ADAMTSL1: variants seen among roughly 807,000 people sequenced by gnomAD.
The protein encoded by ADAMTSL1 is ADAMTS like 1.
In ADAMTSL1, 126 loss-of-function variants were observed where a neutral mutation model predicts 201.8. The ratio of observed to expected loss-of-function variants is 0.62; its 90% CI spans 0.54 to 0.72. The LOEUF is 0.72. Among genes scored for constraint, ADAMTSL1 ranks in the 30% least tolerant of loss-of-function variants. ADAMTSL1 has a pLI of 0.00. For synonymous variants in ADAMTSL1, 1,121 were observed against 903.4 expected, an observed-to-expected ratio of 1.24 and a Z score of -4.32; for missense variants, 2,679 against 2,277.8, an observed-to-expected ratio of 1.18 and a Z score of -3.59.
chr9:18,282,836 G>A (rs1017852567), intron 2 of ADAMTSL1, among the ~76,000 whole-genome samples: 2 of 152,200 alleles, frequency 1.3e-5, no homozygotes, highest in African/African-American at 4.8e-5. Context: ...GACAGAGTTT[G>A]CAGTGAGCCA....
At chr9:18,893,051 G>A (rs1829391311) in intron 26 of ADAMTSL1, among the ~76,000 whole-genome samples, 1 of 151,562 alleles carries the variant, frequency 6.6e-6, no homozygotes, top group Non-Finnish European at 1.5e-5. Context: ...ACCGCTCAAT[G>A]CTAGCCAATC....
In ADAMTSL1 at chr9:17,912,203, T is replaced by C. The variant is rs1443458684; in HGVS notation, c.87+5281T>C. ...TATAGTCCTTTTGATATATACCCAG[T>C]AATGGGATGGCTGGGTCAAATGATA... On this transcript the variant is annotated intron_variant, in intron 1 of 29. Transcript: ENST00000680146. Among the ~76,000 whole-genome samples, 21 of 64,286 alleles carry C rather than the reference T, an allele frequency of 3.3e-4. 4 individuals are homozygous for C. The highest frequency in any genetic ancestry group is 6.5e-4 in the African/African-American group (21 of 32,434). 42.2% of individuals were successfully genotyped at this position (64,286 alleles called of 152,430 possible).
chr9:18,465,920 GT>G (rs34754797), intron 2 of ADAMTSL1, among the ~76,000 whole-genome samples: 19,574 of 147,944 alleles, frequency 0.13, 1,416 homozygotes, highest in African/African-American at 0.2. Flanking sequence ...AGCTAATTTT[GT>G]TTTTTTTTTA....
chr9:17,925,710 T>TG (rs1465671486), intron 1 of ADAMTSL1, among the ~76,000 whole-genome samples: 8 of 83,074 alleles, frequency 9.6e-5, no homozygotes, highest in Admixed American at 2.8e-4. Context: ...TGTGGTGGGG[T>TG]GGGGGGAGGG....
chr9:18,359,050 C>G (rs950157944), intron 2 of ADAMTSL1, among the ~76,000 whole-genome samples: 2 of 152,150 alleles, frequency 1.3e-5, no homozygotes, highest in East Asian at 3.9e-4. Flanking sequence ...ATGCTACAAG[C>G]AGATATACTG....
chr9:18,178,176 G>A (rs963062295), intron 2 of ADAMTSL1, among the ~76,000 whole-genome samples: 29 of 152,332 alleles, frequency 1.9e-4, no homozygotes, highest in Admixed American at 5.2e-4. Context: ...AGCGCACTGT[G>A]CGCGAGCCGA....
intron 20 of ADAMTSL1, among the ~76,000 whole-genome samples, chr9:18,816,694 T>G (rs1823869060): frequency 6.7e-6 from 1 of 149,544 alleles, no homozygotes; most frequent in Non-Finnish European, 1.5e-5. Flanking sequence ...TAACATGCTC[T>G]GTCTTCAAAC....
chr9:18,867,639 T>C (rs1588271447), intron 23 of ADAMTSL1, among the ~76,000 whole-genome samples: 1 of 152,184 alleles, frequency 6.6e-6, no homozygotes, highest in African/African-American at 2.4e-5. Context: ...CGTACATCTT[T>C]TTTTTTTAGA....
intron 1 of ADAMTSL1, among the ~76,000 whole-genome samples, chr9:17,933,792 G>C (rs1238652044): frequency 6.6e-6 from 1 of 152,068 alleles, no homozygotes; most frequent in Non-Finnish European, 1.5e-5. Context: ...AACAGCAAGG[G>C]AGAAATCCAC....
chr9:18,291,415 G>T (rs960133189), intron 2 of ADAMTSL1, among the ~76,000 whole-genome samples: 1 of 152,030 alleles, frequency 6.6e-6, no homozygotes, highest in Non-Finnish European at 1.5e-5. Flanking sequence ...ATAAATCCTA[G>T]CACCTCTGGT....
intron 2 of ADAMTSL1, among the ~76,000 whole-genome samples, chr9:18,353,424 C>A (rs904000711): frequency 2.6e-5 from 4 of 152,168 alleles, no homozygotes; most frequent in African/African-American, 7.2e-5. Flanking sequence ...ACTTTACATA[C>A]TTTTGAGATA....
intron 2 of ADAMTSL1, among the ~76,000 whole-genome samples, chr9:18,303,523 A>T (rs968237328): frequency 6.6e-6 from 1 of 152,192 alleles, no homozygotes. Flanking sequence ...GGGCTTCTTC[A>T]GCTACCATAA....
chr9:18,772,183 C>A (rs1015553110), intron 17 of ADAMTSL1, among the ~76,000 whole-genome samples: 1 of 152,042 alleles, frequency 6.6e-6, no homozygotes, highest in African/African-American at 2.4e-5. Flanking sequence ...GTGTATTTGC[C>A]AAGTGGCTCT....
chr9:18,405,097 G>T (rs1818133984), intron 2 of ADAMTSL1, among the ~76,000 whole-genome samples: 1 of 152,120 alleles, frequency 6.6e-6, no homozygotes, highest in Non-Finnish European at 1.5e-5. Flanking sequence ...CCAGCCTCAT[G>T]ATGTAAGAGT....
chr9:18,597,252 G>A (rs1247716496), intron 4 of ADAMTSL1, among the ~76,000 whole-genome samples: 1 of 152,050 alleles, frequency 6.6e-6, no homozygotes. Flanking sequence ...ATTTCCTTCA[G>A]GCTGTGAAAC....
At chr9:18,603,910 CAG>C (rs1262241548) in intron 4 of ADAMTSL1, among the ~76,000 whole-genome samples, 1 of 152,170 alleles carries the variant, frequency 6.6e-6, no homozygotes, top group Non-Finnish European at 1.5e-5. Flanking sequence ...AAAGACAGTA[CAG>C]AGACAAAAGA....
At chr9:18,179,133 A>G (rs991925580) in intron 2 of ADAMTSL1, among the ~76,000 whole-genome samples, 3 of 152,136 alleles carry the variant, frequency 2.0e-5, no homozygotes, top group African/African-American at 4.8e-5. Context: ...CTTTGAAAAA[A>G]TTTAGAAGAA....
chr9:18,168,211 C>T (rs1001175119), intron 2 of ADAMTSL1, among the ~76,000 whole-genome samples: 1 of 151,794 alleles, frequency 6.6e-6, no homozygotes, highest in Non-Finnish European at 1.5e-5. Context: ...TGTGCTGCAC[C>T]CATTAACTCA....
In ADAMTSL1 at chr9:18,412,919, G is replaced by A. The variant is rs191027983; in HGVS notation, c.208-91910G>A. 1.2e-4 allele frequency among the ~76,000 whole-genome samples: 19 copies of A among 152,096 alleles called. No individual in the cohort carries two copies. In the East Asian group the frequency reaches 1.7e-3, roughly 14 times the overall value. On this transcript the variant is annotated intron_variant, in intron 2 of 29. Transcript: ENST00000680146. ...AATAGGTATGATTTGCTGATATTTC[G>A]TATGTGATTTTTGCATCTATATCCA...
Sources: allele counts gnomAD v4.1 joint callset (sites outside exome capture counted in the v4.1 genomes callset), GRCh38; gene constraint gnomAD v4.1.1; transcripts MANE v1.5; gene names NCBI Gene and HGNC (gene_info 2026-07-23, HGNC 2026-07-21).